The following EPHA3 variants were observed in gnomAD, a reference collection of about 807,000 sequenced individuals.
EPHA3 encodes the protein EPH receptor A3, also known as ephrin type-A receptor 3.
A neutral mutation model predicts 107.1 loss-of-function variants in EPHA3; 42 were observed. The ratio of observed to expected loss-of-function variants is 0.39; its 90% confidence interval spans 0.31 to 0.51. EPHA3 has a LOEUF of 0.51. Ranked by LOEUF, EPHA3 falls within the 20% of genes least tolerant of loss-of-function variation. The pLI, the probability that EPHA3 is intolerant of heterozygous loss-of-function variation, is 0.78. For synonymous variants in EPHA3, 461 were observed against 424.8 expected (o/e 1.09, Z -1.05); for missense variants, 1,183 against 1,211.2 (o/e 0.98, Z 0.35).
At position 89,331,542 on chromosome 3, in the gene EPHA3, A is replaced by G. The variant is rs149004825; in HGVS notation, c.815-9374A>G. On this transcript the variant is annotated intron_variant, in intron 3 of 16. Transcript: ENST00000336596. ...GCCAATTTTATAAATAGTGTTGCTC[A>G]TATAACTTTGTGTAGATGAACATAC... Among the ~76,000 whole-genome samples, 79 of 152,258 alleles carry G rather than the reference A, an allele frequency of 5.2e-4. 2 individuals carry two copies. The South Asian group carries it at 0.012, about 23-fold the overall frequency.
intron 13 of EPHA3, among the ~76,000 whole-genome samples, chr3:89,447,545 A>C (rs1709899087): frequency 6.6e-6 from 1 of 152,144 alleles, no homozygotes; most frequent in Non-Finnish European, 1.5e-5. Flanking sequence ...AAGTTTCCCA[A>C]GTGCATCTGT....
intron 1 of EPHA3, 38 bp downstream of exon 1, chr3:89,107,874 C>A (rs1173217472): frequency 6.3e-7 from 1 of 1,590,186 alleles, no homozygotes; most frequent in African/African-American, 1.3e-5. Context: ...CTCTGCCCCG[C>A]GGGGCTCACG....
At chr3:89,315,092 T>C (rs1706863507) in intron 3 of EPHA3, among the ~76,000 whole-genome samples, 1 of 151,808 alleles carries the variant, frequency 6.6e-6, no homozygotes, top group South Asian at 2.1e-4. Context: ...AATATGGCAT[T>C]ATAATCTTAT....
At chr3:89,207,882 T>C (rs1478166790) in intron 2 of EPHA3, among the ~76,000 whole-genome samples, 1 of 152,156 alleles carries the variant, frequency 6.6e-6, no homozygotes, top group Non-Finnish European at 1.5e-5. Flanking sequence ...ACAGTGAATA[T>C]GAAGAGACCT....
At chr3:89,331,084 C>T (rs1707274876) in intron 3 of EPHA3, among the ~76,000 whole-genome samples, 1 of 152,028 alleles carries the variant, frequency 6.6e-6, no homozygotes, top group African/African-American at 2.4e-5. Flanking sequence ...TATGGATATG[C>T]AGATGTTTGC....
At chr3:89,252,035 G>A (rs1297663733) in intron 3 of EPHA3, among the ~76,000 whole-genome samples, 1 of 152,066 alleles carries the variant, frequency 6.6e-6, no homozygotes, top group Non-Finnish European at 1.5e-5. Context: ...ATTACTACGA[G>A]TCTTAGTTTC....
At chr3:89,339,060 A>T (rs1454063385) in intron 3 of EPHA3, among the ~76,000 whole-genome samples, 1 of 152,220 alleles carries the variant, frequency 6.6e-6, no homozygotes, top group South Asian at 2.1e-4. Context: ...ATACGTAGGC[A>T]CATATACATA....
chr3:89,362,456 T>G (rs931398260), intron 5 of EPHA3, among the ~76,000 whole-genome samples: 1 of 151,092 alleles, frequency 6.6e-6, no homozygotes, highest in African/African-American at 2.4e-5. Context: ...TGCTTTTACT[T>G]TCTGTATTTC....
chr3:89,113,082 C>T (rs1707152095), intron 1 of EPHA3, among the ~76,000 whole-genome samples: 1 of 152,018 alleles, frequency 6.6e-6, no homozygotes, highest in Non-Finnish European at 1.5e-5. Flanking sequence ...ACCAAGTACA[C>T]AAGTAGCTTT....
intron 3 of EPHA3, among the ~76,000 whole-genome samples, chr3:89,327,193 T>C (rs1260085168): frequency 6.6e-6 from 1 of 152,132 alleles, no homozygotes; most frequent in African/African-American, 2.4e-5. Context: ...TATGAAAACA[T>C]GATTATACTG....
At chr3:89,346,962 G>GTTCCATTGATCTATATCTCT (rs1707675088) in intron 5 of EPHA3, among the ~76,000 whole-genome samples, 1 of 145,174 alleles carries the variant, frequency 6.9e-6, no homozygotes, top group Non-Finnish European at 1.5e-5. Context: ...GCTCTGTTCT[G>GTTCCATTGATCTATATCTCT]TTCCATTGAT....
chr3:89,431,911 T>A (rs988005385), intron 13 of EPHA3, among the ~76,000 whole-genome samples: 2 of 152,186 alleles, frequency 1.3e-5, no homozygotes, highest in Non-Finnish European at 2.9e-5. Context: ...ATGAATATAT[T>A]ATTTAAATAC....
intron 3 of EPHA3, among the ~76,000 whole-genome samples, chr3:89,240,371 TATTTTGCTATACATATAGTG>T (rs1321057019): frequency 6.6e-6 from 1 of 152,130 alleles, no homozygotes; most frequent in African/African-American, 2.4e-5. Flanking sequence ...ACTTGACTGG[TATTTTGCTATACATATAGTG>T]TTATGCACAT....
intron 2 of EPHA3, among the ~76,000 whole-genome samples, chr3:89,204,608 A>ATGTGTGTG (rs71621535): frequency 0.35 from 52,671 of 148,446 alleles, 9,265 homozygotes; most frequent in Non-Finnish European, 0.4. Context: ...CTGTGTGTAA[A>ATGTGTGTG]TGTGTGTGTG....
intron 5 of EPHA3, among the ~76,000 whole-genome samples, chr3:89,393,962 T>C (rs1028531499): frequency 1.7e-5 from 2 of 119,304 alleles, no homozygotes; most frequent in Non-Finnish European, 3.5e-5. Flanking sequence ...GGGACTAAAA[T>C]AGAGGATTAT....
intron 9 of EPHA3, among the ~76,000 whole-genome samples, chr3:89,412,792 G>C (rs1427096522): frequency 6.6e-6 from 1 of 151,674 alleles, no homozygotes; most frequent in Non-Finnish European, 1.5e-5. Context: ...TAGCATAATG[G>C]TGTTCACTCA....
intron 2 of EPHA3, among the ~76,000 whole-genome samples, chr3:89,161,961 GA>G (rs2107073033): frequency 6.6e-6 from 1 of 151,360 alleles, no homozygotes; most frequent in African/African-American, 2.4e-5. Context: ...TGGGTGATGG[GA>G]GTGAGACTCT....
rs190224588 is a variant in EPHA3 at position 89,401,412 on chromosome 3, T to C, written c.1594+1932T>C. Reference sequence around the variant, plus strand: ...GTATGGAGAAATCACCCTCAGAAGATATTAGAAACAAAACATGAAGTATGA... The same window carrying C: ...GTATGGAGAAATCACCCTCAGAAGACATTAGAAACAAAACATGAAGTATGA... On this transcript the variant is annotated intron_variant, in intron 7 of 16. Transcript: ENST00000336596. Among the ~76,000 whole-genome samples the C allele has an allele frequency of 5.9e-5, 9 of 152,278 alleles. No individual in the cohort carries two copies. In the East Asian group the frequency reaches 1.7e-3, roughly 29 times the overall value.
At chr3:89,476,798 C>T (rs1299421480) in intron 16 of EPHA3, among the ~76,000 whole-genome samples, 3 of 151,406 alleles carry the variant, frequency 2.0e-5, no homozygotes, top group Non-Finnish European at 4.4e-5. Context: ...TTAATAGAGA[C>T]GGGGTATCAC....
Sources: gnomAD v4.1 joint callset for allele counts (sites outside exome capture counted in the v4.1 genomes callset) on GRCh38, gnomAD v4.1.1 for gene constraint, MANE v1.5 for transcripts, NCBI Gene and HGNC (gene_info 2026-07-23, HGNC 2026-07-21) for gene names.